The following XIAP variants were observed in gnomAD, a reference collection of about 807,000 sequenced individuals.
XIAP encodes E3 ubiquitin-protein ligase XIAP.
A neutral mutation model predicts 33.1 loss-of-function variants in XIAP; 3 were observed. The observed-to-expected ratio is 0.09, with a 90% CI of 0.04 to 0.23. The LOEUF is 0.23. Among genes scored for constraint, XIAP ranks in the 10% least tolerant of loss-of-function variants. The pLI, the probability that XIAP is intolerant of heterozygous loss-of-function variation, is 1.00. For synonymous variants in XIAP, 98 were observed against 121.3 expected (o/e 0.81, Z 1.26); for missense variants, 264 against 363.0 (o/e 0.73, Z 2.22).
intron 1 of XIAP, among the ~76,000 whole-genome samples, chrX:123,869,035 G>A (rs907523383): frequency 9.0e-6 from 1 of 110,512 alleles, no homozygotes; most frequent in Admixed American, 9.9e-5. Flanking sequence ...GAAAAGTCAC[G>A]TTTACCTGTA....
At position 123,913,623 on chromosome X, in the gene XIAP, C is replaced by T. The variant is rs1470291918; in HGVS notation, c.*6442C>T. 3.1e-6 allele frequency: 1 copy of T among 322,973 alleles called. No homozygotes were observed. The highest frequency in any genetic ancestry group is 5.9e-6 in the Non-Finnish European group (1 of 168,449). The allele number at this position is 322,973 out of a possible 1,213,427, so 26.6% of individuals were successfully genotyped here. ...ATCATTAATGTAATATTTTAAATTA[C>T]TATATATGTTACCATTTTTCTGGAT... On this transcript the variant is annotated 3_prime_UTR_variant, in exon 7 of 7. Transcript: ENST00000371199.
intron 5 of XIAP, among the ~76,000 whole-genome samples, chrX:123,896,208 G>A (rs896123249): frequency 9.1e-6 from 1 of 110,164 alleles, no homozygotes; most frequent in African/African-American, 3.3e-5. Flanking sequence ...CTGGGACTAC[G>A]GGTGTGCGCC....
intron 6 of XIAP, among the ~76,000 whole-genome samples, chrX:123,904,875 C>T (rs1039685544): frequency 2.7e-5 from 3 of 111,408 alleles, no homozygotes; most frequent in Non-Finnish European, 5.7e-5. Flanking sequence ...AAATGATCTG[C>T]CCGCCTCAGC....
At chrX:123,880,274 G>C (rs1210356766) in intron 1 of XIAP, among the ~76,000 whole-genome samples, 1 of 107,612 alleles carries the variant, frequency 9.3e-6, no homozygotes, top group Non-Finnish European at 1.9e-5. Context: ...TGCCGGGTGT[G>C]GTGGTGGGTG....
chrX:123,913,207 C>T lies in XIAP; in HGVS notation c.*6026C>T, dbSNP rs1466698441. 1 of 329,160 alleles carries T rather than the reference C, an allele frequency of 3.0e-6. No individual in the cohort carries two copies. The highest frequency in any genetic ancestry group is 2.6e-5 in the South Asian group (1 of 38,487). The allele number at this position is 329,160 out of a possible 1,213,427, so 27.1% of individuals were successfully genotyped here. On this transcript the variant is annotated 3_prime_UTR_variant, in exon 7 of 7. Coordinates refer to ENST00000371199, the MANE Select transcript of XIAP (RefSeq NM_001167.4). Reference sequence around the variant, plus strand: ...ACAAATGGCGCCGGGCACGGTGGCTCACGCCTGTAATCCCAGCAGTTTCCG... The same window carrying T: ...ACAAATGGCGCCGGGCACGGTGGCTTACGCCTGTAATCCCAGCAGTTTCCG...
rs762495449 is a variant in XIAP at position 123,870,170 on chromosome X, G to A, written c.-33+9877G>A. Among the ~76,000 whole-genome samples the A allele has an allele frequency of 5.3e-5, 6 of 112,474 alleles. No individual in the cohort carries two copies. In the East Asian group the frequency reaches 1.4e-3, roughly 26 times the overall value. On this transcript the variant is annotated intron_variant, in intron 1 of 6. Coordinates refer to ENST00000371199, the MANE Select transcript of XIAP (RefSeq NM_001167.4). Reference sequence around the variant, plus strand: ...AGAGACAGGGTTTTGCCATTTTGGCGAGGCTGGTCTCGAACTCCTGACCTC... The same window carrying A: ...AGAGACAGGGTTTTGCCATTTTGGCAAGGCTGGTCTCGAACTCCTGACCTC...
intron 5 of XIAP, among the ~76,000 whole-genome samples, chrX:123,894,511 A>G (rs1448218620): frequency 1.8e-5 from 2 of 112,194 alleles, no homozygotes; most frequent in Non-Finnish European, 3.8e-5. Context: ...GCTCACGCCT[A>G]TAATCCCAGC....
At chrX:123,874,335 T>G (rs2053222437) in intron 1 of XIAP, 1 of 112,263 alleles carries the variant, frequency 8.9e-6, no homozygotes, top group Non-Finnish European at 1.9e-5. Flanking sequence ...TGCTCAGAGA[T>G]AACCACAGCA....
rs773543430 is a variant in XIAP at position 123,886,021 on chromosome X, A to G, written c.359A>G (p.Tyr120Cys). 5.0e-6 allele frequency: 6 copies of G among 1,210,504 alleles called. No homozygotes were observed. Among genetic ancestry groups the G allele is most frequent in the East Asian group, 5.9e-5 (2 of 33,827 alleles). ...IQNGQYKVENYLGSRDHFALD... is the reference protein window; with the variant it reads ...IQNGQYKVENCLGSRDHFALD... The stretch of plus-strand genomic sequence containing the variant: ...AATGGTCAGTACAAAGTTGAAAACT[A>G]TCTGGGAAGCAGAGATCATTTTGCC... Residue 120 changes from tyrosine to cysteine, a missense_variant, in exon 2 of 7, where the codon TAT (tyrosine) becomes TGT (cysteine). By Grantham distance (194) the Tyr-to-Cys change is radical. Transcript: ENST00000371199.
At chrX:123,894,469 A>G (rs1274555994) in intron 5 of XIAP, among the ~76,000 whole-genome samples, 2 of 112,350 alleles carry the variant, frequency 1.8e-5, no homozygotes, top group African/African-American at 6.5e-5. Context: ...TCTATTTAGT[A>G]TCTTAAGAAT....
At chrX:123,868,082 G>A (rs2053160873) in intron 1 of XIAP, among the ~76,000 whole-genome samples, 1 of 111,212 alleles carries the variant, frequency 9.0e-6, no homozygotes, top group Non-Finnish European at 1.9e-5. Flanking sequence ...ATACCTGTAA[G>A]CCCAGCACTT....
At chrX:123,902,112 G>A (rs1329118817) in intron 6 of XIAP, among the ~76,000 whole-genome samples, 3 of 111,994 alleles carry the variant, frequency 2.7e-5, no homozygotes, top group East Asian at 2.8e-4. Flanking sequence ...TCTTAAACAC[G>A]CGCTTAATTG....
Position 123,907,456 on chromosome X carries a change from T to C in XIAP, c.*275T>C. 2.4e-6 allele frequency: 1 copy of C among 418,084 alleles called. No individual in the cohort carries two copies. Among genetic ancestry groups the C allele is most frequent in the Non-Finnish European group, 4.3e-6 (1 of 233,626 alleles). The allele number at this position is 418,084 out of a possible 1,213,427, so 34.5% of individuals were successfully genotyped here. A position where few individuals can be genotyped will look rare whatever the true frequency, so the allele number is the denominator to read the frequency against. ...ATACTATAACTGAACACAATGTGTA[T>C]TCATAGTATACTGATTTAATTTCTA... is the stretch of plus-strand genomic sequence containing the variant. On this transcript the variant is annotated 3_prime_UTR_variant, in exon 7 of 7. Coordinates refer to ENST00000371199, the MANE Select transcript of XIAP (RefSeq NM_001167.4).
At position 123,909,458 on chromosome X, in the gene XIAP, T is replaced by C; in HGVS notation, c.*2277T>C. ...CCACTTAGTTTGGTTATATAGTCAT[T>C]AACTTGAATTTGGTCTGTATAGTCT... On this transcript the variant is annotated 3_prime_UTR_variant, in exon 7 of 7. Transcript: ENST00000371199. 6.2e-6 allele frequency: 2 copies of C among 321,783 alleles called. No homozygotes were observed. Among genetic ancestry groups the C allele is most frequent in the Non-Finnish European group, 1.2e-5 (2 of 167,241 alleles). The allele number at this position is 321,783 out of a possible 1,213,427, so 26.5% of individuals were successfully genotyped here.
At chrX:123,898,120 C>G (rs1296562565) in intron 5 of XIAP, among the ~76,000 whole-genome samples, 2 of 111,369 alleles carry the variant, frequency 1.8e-5, no homozygotes, top group Non-Finnish European at 3.8e-5. Flanking sequence ...ACAAGGTTGC[C>G]CAGTAATTTA....
In XIAP at chrX:123,913,521, T is replaced by C. The variant is rs2053626296; in HGVS notation, c.*6340T>C. ...GACAAATGCTACATTAATGTTTGGG[T>C]GGTCAGATTCTACTTTGAATCTGAA... On this transcript the variant is annotated 3_prime_UTR_variant, in exon 7 of 7. Coordinates refer to ENST00000371199, the MANE Select transcript of XIAP (RefSeq NM_001167.4). 2 of 328,862 alleles carry C rather than the reference T, an allele frequency of 6.1e-6. No individual in the cohort carries two copies. The highest frequency in any genetic ancestry group is 1.2e-5 in the Non-Finnish European group (2 of 169,815). The allele number at this position is 328,862 out of a possible 1,213,427, so 27.1% of individuals were successfully genotyped here. A position where few individuals can be genotyped will look rare whatever the true frequency, so the allele number is the denominator to read the frequency against.
chrX:123,860,538 C>T (rs756814228), intron 1 of XIAP: 1 of 249,796 alleles, frequency 4.0e-6, no homozygotes, highest in East Asian at 1.1e-4. Flanking sequence ...AACCCTGTGA[C>T]ACCTAAGGTA....
intron 1 of XIAP, among the ~76,000 whole-genome samples, chrX:123,868,625 T>G (rs995153066): frequency 2.7e-5 from 3 of 109,957 alleles, no homozygotes; most frequent in Non-Finnish European, 5.7e-5. Context: ...CCAGCTACTC[T>G]GGAGGCTGAG....
At position 123,860,061 on chromosome X, in the gene XIAP, G is replaced by A. The variant is rs2053063822; in HGVS notation, c.-265G>A. The A allele has an allele frequency of 9.1e-6, 3 of 328,202 alleles. No homozygotes were observed. The highest frequency in any genetic ancestry group is 7.8e-5 in the South Asian group (3 of 38,390). 27.0% of individuals were successfully genotyped at this position (328,202 alleles called of 1,213,427 possible). ...GCGCCCGGTGTCTCTTTGAGGCCCTGACGTGGACACACTTCGGGTTTCACG... is the reference window on the plus strand; with the variant it reads ...GCGCCCGGTGTCTCTTTGAGGCCCTAACGTGGACACACTTCGGGTTTCACG... On this transcript the variant is annotated 5_prime_UTR_variant, in exon 1 of 7. Coordinates refer to ENST00000371199, the MANE Select transcript of XIAP (RefSeq NM_001167.4).
Sources: allele counts gnomAD v4.1 joint callset (sites outside exome capture counted in the v4.1 genomes callset), GRCh38; gene constraint gnomAD v4.1.1; transcripts MANE v1.5; gene names NCBI Gene and HGNC (gene_info 2026-07-23, HGNC 2026-07-21).